PKD1L1: variants seen among roughly 807,000 people sequenced by gnomAD.
PKD1L1 encodes polycystin-1-like protein 1.
Under a neutral mutation model 323.4 loss-of-function variants are expected in PKD1L1, and 236 were observed. That is an observed-to-expected ratio of 0.73 (90% CI 0.66 to 0.81). PKD1L1 has a LOEUF of 0.81. Ranked by LOEUF, PKD1L1 falls within the 40% of genes least tolerant of loss-of-function variation. The probability of loss-of-function intolerance (pLI) is 0.00; values close to 1 mark genes in which losing one functional copy is unlikely to be tolerated. For synonymous variants in PKD1L1, 1,344 were observed against 1,335.0 expected, an observed-to-expected ratio of 1.01 and a Z score of -0.15; for missense variants, 3,320 against 3,508.0, an observed-to-expected ratio of 0.95 and a Z score of 1.35.
rs767297274 is a variant in PKD1L1 at position 47,829,451 on chromosome 7, G to C, written c.6709C>G (p.Pro2237Ala). Residue 2237 changes from proline to alanine, a missense_variant, in exon 44 of 57, where the codon CCT becomes GCT. Coordinates refer to ENST00000289672, the MANE Select transcript of PKD1L1 (RefSeq NM_138295.5). Reference protein sequence around the residue: ...RLPFSSSCSIPDCAGEVEKVL... With the variant: ...RLPFSSSCSIADCAGEVEKVL... ...TTTTCAACCTCGCCTGCACAGTCAGGAATACTGCAGCTTGAAGAGAAGGGG... is the reference window on the plus strand; with the variant it reads ...TTTTCAACCTCGCCTGCACAGTCAGCAATACTGCAGCTTGAAGAGAAGGGG... 1 of 1,613,642 alleles carries C rather than the reference G, an allele frequency of 6.2e-7. No individual in the cohort carries two copies. Among genetic ancestry groups the C allele is most frequent in the Non-Finnish European group, 8.5e-7 (1 of 1,179,906 alleles).
chr7:47,891,934 TCTCAA>T (rs931862628), intron 15 of PKD1L1, among the ~76,000 whole-genome samples: 7 of 152,194 alleles, frequency 4.6e-5, no homozygotes, highest in African/African-American at 1.2e-4. Context: ...TTTTGCCTCC[TCTCAA>T]CTCAAGAAAC....
intron 41 of PKD1L1, 117 bp from the exon 42 acceptor site, chr7:47,831,469 A>ATTTGGTTAAATG: frequency 7.5e-7 from 1 of 1,331,336 alleles, no homozygotes; most frequent in Non-Finnish European, 1.0e-6. Context: ...GTGCCCAGGC[A>ATTTGGTTAAATG]TTTGGTTAAA....
At chr7:47,863,634 G>T (rs745940862) in intron 26 of PKD1L1, among the ~76,000 whole-genome samples, 16 of 152,204 alleles carry the variant, frequency 1.1e-4, no homozygotes, top group Non-Finnish European at 2.1e-4. Flanking sequence ...GGAGCAGAAG[G>T]TGTCCAGTGG....
chr7:47,881,311 A>G (rs1307808838), intron 20 of PKD1L1, among the ~76,000 whole-genome samples: 2 of 152,112 alleles, frequency 1.3e-5, no homozygotes, highest in African/African-American at 4.8e-5. Context: ...TCGGAAATAC[A>G]AGATTGATGA....
chr7:47,878,598 A>G (rs1206677633), intron 21 of PKD1L1, among the ~76,000 whole-genome samples: 1 of 152,216 alleles, frequency 6.6e-6, no homozygotes, highest in Admixed American at 6.5e-5. Context: ...CCCAGGAGAA[A>G]AGGATGATGA....
At chr7:47,883,523 C>T (rs536595329) in intron 19 of PKD1L1, among the ~76,000 whole-genome samples, 1 of 152,356 alleles carries the variant, frequency 6.6e-6, no homozygotes, top group Non-Finnish European at 1.5e-5. Context: ...CTCCTGACCT[C>T]CCTGCAGCTT....
the PKD1L1 span, among the ~76,000 whole-genome samples, chr7:47,958,084 GAAA>G: frequency 2.7e-5 from 4 of 150,668 alleles, no homozygotes; most frequent in Non-Finnish European, 5.9e-5. Flanking sequence ...TTCACAGATA[GAAA>G]AAAAAATCCT....
At chr7:47,781,417 T>G (rs1161946185) in intron 56 of PKD1L1, among the ~76,000 whole-genome samples, 4 of 132,546 alleles carry the variant, frequency 3.0e-5, no homozygotes, top group Admixed American at 8.5e-5. Context: ...TTGTTTTTTT[T>G]TTTTTTTTTG....
At chr7:47,932,192 C>T (rs1787785108) in intron 4 of PKD1L1, 136 bp from the exon 5 acceptor site, 1 of 1,383,490 alleles carries the variant, frequency 7.2e-7, no homozygotes, top group East Asian at 2.3e-5. Flanking sequence ...CAGGCTCATT[C>T]CTGGGAGTCA....
In PKD1L1 at chr7:47,931,139, C is replaced by T. The variant is rs143386007; in HGVS notation, c.702G>A (p.Leu234=). ...AAGTGGGAAAATGTGAAATCGGCCA[C>T]AGGGGCACTCGCTGGGAGCTGGTCT... ...PTQTSSQRVP[L]WPISHFPTSP... Residue 234 remains leucine, a synonymous_variant, in exon 6 of 57, where the codon CTG becomes CTA. Transcript: ENST00000289672. 41 of 1,614,070 alleles carry T rather than the reference C, an allele frequency of 2.5e-5. No homozygotes were observed. Among genetic ancestry groups the T allele is most frequent in the Non-Finnish European group, 3.0e-5 (35 of 1,180,028 alleles).
At chr7:47,902,562 A>G (rs765078203) in intron 12 of PKD1L1, 51 bp from the exon 13 acceptor site, 44 of 1,590,368 alleles carry the variant, frequency 2.8e-5, no homozygotes, top group Non-Finnish European at 3.5e-5. Context: ...GATGAACGTC[A>G]GGCTTTCATT....
At position 47,857,664 on chromosome 7, in the gene PKD1L1, T is replaced by C; in HGVS notation, c.4531A>G (p.Ile1511Val). The change falls in exon 28 of 57, where the codon ATT (isoleucine) becomes GTT (valine). Residue 1511 changes from isoleucine to valine, a missense_variant. Physicochemically the swap from Ile to Val is conservative, Grantham distance 29. Transcript: ENST00000289672. ...AGAETQSPCY[I>V]SQLILFKKNP... ...TTCTTGAAGAGTATGAGCTGGCTAA[T>C]GTAGCATGGGCTCTGTGTCTCCGCC... 6.2e-7 allele frequency: 1 copy of C among 1,614,194 alleles called. No individual in the cohort carries two copies.
At chr7:47,804,692 T>C (rs1376223989) in intron 52 of PKD1L1, among the ~76,000 whole-genome samples, 1 of 152,140 alleles carries the variant, frequency 6.6e-6, no homozygotes, top group African/African-American at 2.4e-5. Flanking sequence ...ACCATGTTGC[T>C]CAGGCTGGTC....
intron 21 of PKD1L1, among the ~76,000 whole-genome samples, chr7:47,880,321 G>T (rs1444150645): frequency 1.9e-5 from 2 of 105,670 alleles, no homozygotes; most frequent in South Asian, 3.0e-4. Flanking sequence ...TTGCTCTGTC[G>T]CCCAGGCTGG....
At chr7:47,955,534 C>A in the PKD1L1 span, among the ~76,000 whole-genome samples, 2 of 152,170 alleles carry the variant, frequency 1.3e-5, no homozygotes, top group East Asian at 1.9e-4. Context: ...AACATCTAAC[C>A]TGCTTTTTTA....
chr7:47,839,770 G>T lies in PKD1L1; in HGVS notation c.5553-108C>A. On this transcript the variant is annotated intron_variant, in intron 35 of 56. Transcript: ENST00000289672. The surrounding 1 kb of genome is among the most constrained non-coding windows in gnomAD (Gnocchi z 4.3). Reference sequence around the variant, plus strand: ...AGGCACTGATGGCCCACAGAGGGTGGATGGGACATGTCAAAGGTGACTGAC... The same window carrying T: ...AGGCACTGATGGCCCACAGAGGGTGTATGGGACATGTCAAAGGTGACTGAC... The T allele has an allele frequency of 1.9e-6, 2 of 1,067,688 alleles. No homozygotes were observed. The highest frequency in any genetic ancestry group is 2.6e-5 in the East Asian group (1 of 38,238). The allele number at this position is 1,067,688 out of a possible 1,614,324, so 66.1% of individuals were successfully genotyped here.
At chr7:47,827,283 G>A in intron 45 of PKD1L1, 67 bp downstream of exon 45, 1 of 1,339,338 alleles carries the variant, frequency 7.5e-7, no homozygotes, top group Non-Finnish European at 1.0e-6. Context: ...ACCAGCGGCA[G>A]TGGGGTACTC....
chr7:47,957,863 ATAT>A, the PKD1L1 span, among the ~76,000 whole-genome samples: 9 of 133,768 alleles, frequency 6.7e-5, no homozygotes, highest in African/African-American at 2.3e-4. Flanking sequence ...TTAAAAAAAA[ATAT>A]ATATATATAT....
At chr7:47,786,818 C>T (rs756251630) in intron 56 of PKD1L1, among the ~76,000 whole-genome samples, 1 of 152,146 alleles carries the variant, frequency 6.6e-6, no homozygotes, top group Non-Finnish European at 1.5e-5. Flanking sequence ...TCAGCAGCAG[C>T]CCCCGGCTGG....
Sources: allele counts gnomAD v4.1 joint callset (sites outside exome capture counted in the v4.1 genomes callset), GRCh38; gene constraint gnomAD v4.1.1; non-coding constraint Gnocchi (gnomAD v3.1); transcripts MANE v1.5; gene names NCBI Gene and HGNC (gene_info 2026-07-23, HGNC 2026-07-21).